Variants in CNTNAP2 observed in about 807,000 individuals in gnomAD.
CNTNAP2 encodes the protein contactin-associated protein-like 2.
A neutral mutation model predicts 155.2 loss-of-function variants in CNTNAP2; 98 were observed. That is an observed-to-expected ratio of 0.63 (90% confidence interval 0.54 to 0.75). The LOEUF is 0.75. Ranked by LOEUF, CNTNAP2 falls within the 30% of genes least tolerant of loss-of-function variation. The pLI is 0.00. For synonymous variants in CNTNAP2, 651 were observed against 631.2 expected (o/e 1.03, Z -0.47); for missense variants, 1,727 against 1,688.1 (o/e 1.02, Z -0.40).
At chr7:148,241,446 C>A (rs1301288841) in intron 20 of CNTNAP2, among the ~76,000 whole-genome samples, 1 of 152,204 alleles carries the variant, frequency 6.6e-6, no homozygotes, top group Non-Finnish European at 1.5e-5. Flanking sequence ...GCTGTTGCCT[C>A]CATGAGCCCA....
intron 8 of CNTNAP2, among the ~76,000 whole-genome samples, chr7:147,232,977 T>G (rs1649670690): frequency 6.6e-6 from 1 of 152,202 alleles, no homozygotes; most frequent in Admixed American, 6.5e-5. Context: ...ATTTCTGTAT[T>G]TATGAACAAA....
intron 4 of CNTNAP2, among the ~76,000 whole-genome samples, chr7:147,047,820 C>T (rs972564747): frequency 3.9e-5 from 6 of 152,124 alleles, no homozygotes; most frequent in Admixed American, 3.3e-4. Context: ...GGAAGCGAGA[C>T]TTTTCCACTG....
In CNTNAP2 at chr7:146,304,617, T is replaced by C. The variant is rs552591017; in HGVS notation, c.97+187644T>C. ...TTGGCCCCCACTCTCTGCTGGCTTGTAGAATTTCTGTCAAGAGATCTGCTG... is the reference window on the plus strand; with the variant it reads ...TTGGCCCCCACTCTCTGCTGGCTTGCAGAATTTCTGTCAAGAGATCTGCTG... On this transcript the variant is annotated intron_variant, in intron 1 of 23. Transcript: ENST00000361727. Among the ~76,000 whole-genome samples the C allele has an allele frequency of 2.0e-3, 310 of 152,242 alleles. 3 individuals are homozygous for C. Among genetic ancestry groups the C allele is most frequent in the African/African-American group, 7.0e-3 (291 of 41,544 alleles).
intron 11 of CNTNAP2, among the ~76,000 whole-genome samples, chr7:147,487,000 C>T (rs1418977996): frequency 1.3e-5 from 2 of 151,498 alleles, no homozygotes; most frequent in Admixed American, 6.6e-5. Context: ...CTAAATCCTC[C>T]GATTATACAA....
At chr7:146,792,858 T>C (rs1012548676) in intron 2 of CNTNAP2, among the ~76,000 whole-genome samples, 2 of 152,176 alleles carry the variant, frequency 1.3e-5, no homozygotes, top group African/African-American at 2.4e-5. Flanking sequence ...TGAAGGGGCA[T>C]CAATAATTTA....
Position 146,231,042 on chromosome 7 carries a change from A to ATAAATAAATAAATAAATAAATAAG in CNTNAP2, c.97+114069_97+114070insTAAATAAATAAATAAATAAATAAG, listed in dbSNP as rs76111973. On this transcript the variant is annotated intron_variant, in intron 1 of 23. Coordinates refer to ENST00000361727, the MANE Select transcript of CNTNAP2 (RefSeq NM_014141.6). ...AATAAATAAATAAATAAATAAATAA[A>ATAAATAAATAAATAAATAAATAAG]AAGTTAATATATTTAATATAGCTTG... Among the ~76,000 whole-genome samples the ATAAATAAATAAATAAATAAATAAG allele has an allele frequency of 3.9e-3, 580 of 150,486 alleles. 6 individuals carry two copies. Among genetic ancestry groups the ATAAATAAATAAATAAATAAATAAG allele is most frequent in the East Asian group, 7.7e-3 (39 of 5,094 alleles).
At chr7:147,848,371 C>A (rs1272550508) in intron 13 of CNTNAP2, among the ~76,000 whole-genome samples, 1 of 150,380 alleles carries the variant, frequency 6.6e-6, no homozygotes, top group African/African-American at 2.4e-5. Flanking sequence ...CAGGTGCGTC[C>A]GTCACCCCTT....
chr7:147,587,033 C>A (rs928959875), intron 12 of CNTNAP2, among the ~76,000 whole-genome samples: 3 of 152,056 alleles, frequency 2.0e-5, no homozygotes, highest in Non-Finnish European at 4.4e-5. Flanking sequence ...TAACAAACCA[C>A]GAGAATTTGG....
chr7:147,193,494 A>G (rs189335471), intron 8 of CNTNAP2, among the ~76,000 whole-genome samples: 1 of 152,286 alleles, frequency 6.6e-6, no homozygotes, highest in East Asian at 1.9e-4. Context: ...GCCCACAAGG[A>G]ATCACATTCT....
intron 1 of CNTNAP2, among the ~76,000 whole-genome samples, chr7:146,245,923 G>T (rs569160174): frequency 0.028 from 2,681 of 96,674 alleles, 254 homozygotes; most frequent in African/African-American, 0.16. Context: ...TAGGAGAGAG[G>T]ATAGGGTTTG....
chr7:147,742,210 A>T (rs746682844), intron 13 of CNTNAP2, among the ~76,000 whole-genome samples: 3 of 152,180 alleles, frequency 2.0e-5, no homozygotes, highest in Non-Finnish European at 4.4e-5. Context: ...GACACAGCCA[A>T]ACCATATCAA....
At position 147,486,889 on chromosome 7, in the gene CNTNAP2, C is replaced by CTGTG. The variant is rs10544219; in HGVS notation, c.1777+872_1777+875dup. Among the ~76,000 whole-genome samples, 973 of 146,936 alleles carry CTGTG rather than the reference C, an allele frequency of 6.6e-3. 27 individuals carry two copies. The highest frequency in any genetic ancestry group is 0.038 in the Admixed American group (564 of 14,674). On this transcript the variant is annotated intron_variant, in intron 11 of 23. Coordinates refer to ENST00000361727, the MANE Select transcript of CNTNAP2 (RefSeq NM_014141.6). ...GGTTAGTGTGTGCATACGTATGTGCCTGTGTGTGTGTGTGTGTGTGTGTGT... is the reference window on the plus strand; with the variant it reads ...GGTTAGTGTGTGCATACGTATGTGCCTGTGTGTGTGTGTGTGTGTGTGTGTGTGT...
intron 1 of CNTNAP2, among the ~76,000 whole-genome samples, chr7:146,339,425 C>A (rs765156583): frequency 2.2e-4 from 33 of 152,018 alleles, no homozygotes; most frequent in Non-Finnish European, 4.4e-4. Flanking sequence ...ATGGGATATA[C>A]AATTATTCCA....
intron 8 of CNTNAP2, among the ~76,000 whole-genome samples, chr7:147,137,594 A>G (rs184664016): frequency 1.6e-4 from 24 of 151,928 alleles, no homozygotes; most frequent in Non-Finnish European, 3.5e-4. Context: ...TAAAAATTCT[A>G]ATTTCCTTAC....
At chr7:147,456,372 AAGAG>A (rs889229941) in intron 10 of CNTNAP2, among the ~76,000 whole-genome samples, 6 of 152,200 alleles carry the variant, frequency 3.9e-5, no homozygotes, top group South Asian at 2.1e-4. Flanking sequence ...AGTATATAGA[AAGAG>A]AGAATTTAAG....
chr7:147,285,340 AG>A (rs1563146127), intron 8 of CNTNAP2, among the ~76,000 whole-genome samples: 1 of 151,918 alleles, frequency 6.6e-6, no homozygotes, highest in Non-Finnish European at 1.5e-5. Context: ...AGGTATAAAA[AG>A]GCTCTATTTT....
chr7:146,639,100 ACAT>A (rs1250017923), intron 1 of CNTNAP2, among the ~76,000 whole-genome samples: 2 of 152,206 alleles, frequency 1.3e-5, no homozygotes, highest in African/African-American at 4.8e-5. Context: ...GTTGACTGAA[ACAT>A]CATTAGGCAG....
chr7:148,317,547 A>C (rs1797712722), intron 21 of CNTNAP2, among the ~76,000 whole-genome samples: 1 of 152,228 alleles, frequency 6.6e-6, no homozygotes, highest in African/African-American at 2.4e-5. Flanking sequence ...AAATATTTTT[A>C]ATTAAAAAAG....
chr7:147,459,985 C>T (rs982464070), intron 10 of CNTNAP2, among the ~76,000 whole-genome samples: 11 of 152,070 alleles, frequency 7.2e-5, no homozygotes, highest in Admixed American at 6.6e-4. Flanking sequence ...CACACCAGGG[C>T]CTGTCAGGGG....
Sources: gnomAD v4.1 joint callset for allele counts (sites outside exome capture counted in the v4.1 genomes callset) on GRCh38, gnomAD v4.1.1 for gene constraint, MANE v1.5 for transcripts, NCBI Gene and HGNC (gene_info 2026-07-23, HGNC 2026-07-21) for gene names.